ZNF16: variants seen among roughly 807,000 people sequenced by gnomAD.
The protein encoded by ZNF16 is zinc finger protein KOX9.
ZNF16 carries 7 observed loss-of-function variants against 9.0 expected under a neutral mutation model. The ratio of observed to expected loss-of-function variants is 0.78; its 90% confidence interval spans 0.44 to 1.47. ZNF16 has a LOEUF of 1.47. Ranked by LOEUF, ZNF16 falls within the 40% of genes most tolerant of loss-of-function variation. ZNF16 has a pLI of 0.01. For synonymous variants in ZNF16, 312 were observed against 301.5 expected (o/e 1.03, Z -0.36); for missense variants, 830 against 854.2 (o/e 0.97, Z 0.35).
chr8:144,942,264 C>T (rs1255448711), intron 2 of ZNF16, among the ~76,000 whole-genome samples: 2 of 151,246 alleles, frequency 1.3e-5, no homozygotes, highest in African/African-American at 2.4e-5. Context: ...AGGCATGAGC[C>T]ACCATGCCTG....
At position 144,930,838 on chromosome 8, in the gene ZNF16, A is replaced by G; in HGVS notation, c.1949T>C (p.Ile650Thr). 6.3e-7 allele frequency: 1 copy of G among 1,595,640 alleles called. No homozygotes were observed. The highest frequency in any genetic ancestry group is 1.1e-5 in the South Asian group (1 of 87,424). The change falls in exon 3 of 3, where the codon ATT (isoleucine) becomes ACT (threonine). Residue 650 changes from isoleucine (I) to threonine (T), a missense_variant. Ile to Thr is a moderately conservative substitution (Grantham distance 89). Transcript: ENST00000394909. Reference sequence around the variant, plus strand: ...GTCATAGGGCTTCACCCCAGTGTGAATCCTCTGGTGCTGGATGAGGACCGA... The same window carrying G: ...GTCATAGGGCTTCACCCCAGTGTGAGTCCTCTGGTGCTGGATGAGGACCGA... ...QRSVLIQHQR[I>T]HTGVKPYDCA...
intron 2 of ZNF16, among the ~76,000 whole-genome samples, chr8:144,936,205 C>T (rs1011303849): frequency 2.6e-5 from 4 of 152,208 alleles, no homozygotes. Flanking sequence ...TGGCTTCTTT[C>T]ACTCGGCACA....
At position 144,931,770 on chromosome 8, in the gene ZNF16, A is replaced by C. The variant is rs1376634215; in HGVS notation, c.1017T>G (p.His339Gln). The C allele has an allele frequency of 2.5e-6, 4 of 1,613,804 alleles. No homozygotes were observed. The highest frequency in any genetic ancestry group is 3.4e-6 in the Non-Finnish European group (4 of 1,179,994). ...AFRRSSNLIQHQRIHSGEKPY... is the reference protein window; with the variant it reads ...AFRRSSNLIQQQRIHSGEKPY... ...GTTTCTCCCCAGAATGGATTCTTTGATGTTGGATGAGGTTTGAGCTCCGCC... is the reference window on the plus strand; with the variant it reads ...GTTTCTCCCCAGAATGGATTCTTTGCTGTTGGATGAGGTTTGAGCTCCGCC... The change falls in exon 3 of 3, where the codon CAT (histidine) becomes CAG (glutamine). Residue 339 changes from histidine (H) to glutamine (Q), a missense_variant. Physicochemically the swap from His to Gln is conservative, Grantham distance 24. Transcript: ENST00000394909.
intron 1 of ZNF16, among the ~76,000 whole-genome samples, chr8:144,946,607 TG>T (rs1833944548): frequency 1.3e-5 from 1 of 79,974 alleles, no homozygotes; most frequent in African/African-American, 4.7e-5. Flanking sequence ...ATCCTGCTGT[TG>T]GGCTTGTGTC....
intron 1 of ZNF16, among the ~76,000 whole-genome samples, chr8:144,947,273 A>G (rs867581496): frequency 0.031 from 112 of 3,660 alleles, no homozygotes; most frequent in Non-Finnish European, 0.045. Context: ...TGGGGCCTGT[A>G]CCCTGCTGTG....
At chr8:144,939,100 C>T (rs553771544) in intron 2 of ZNF16, among the ~76,000 whole-genome samples, 2 of 152,210 alleles carry the variant, frequency 1.3e-5, no homozygotes, top group Admixed American at 6.5e-5. Flanking sequence ...TGGTCATATG[C>T]TATTGGATTC....
Position 144,932,436 on chromosome 8 carries a change from G to A in ZNF16, c.351C>T (p.Asp117=), listed in dbSNP as rs560521884. The change falls in exon 3 of 3, where the codon GAC becomes GAT. Residue 117 remains aspartate, a synonymous_variant. Transcript: ENST00000394909. The surrounding 1 kb of genome is among the most constrained non-coding windows in gnomAD (Gnocchi z 5.0). The part of the protein sequence containing the change: ...GDLCDDVSER[D]WGVPEGRRLP... ...GCCTCCTGCCTTCGGGGACTCCCCA[G>A]TCTCTTTCTGATACATCATCACACA... 135 of 1,614,184 alleles carry A rather than the reference G, an allele frequency of 8.4e-5. No individual in the cohort carries two copies. The South Asian group carries it at 1.4e-3, about 17-fold the overall frequency.
chr8:144,937,179 C>T (rs1186932743), intron 2 of ZNF16, among the ~76,000 whole-genome samples: 3 of 121,072 alleles, frequency 2.5e-5, no homozygotes, highest in Non-Finnish European at 3.2e-5. Flanking sequence ...CAGAGTCTTG[C>T]TCTGTCATCC....
chr8:144,947,344 G>A (rs1378599181), intron 1 of ZNF16, among the ~76,000 whole-genome samples: 1 of 142,230 alleles, frequency 7.0e-6, no homozygotes, highest in Non-Finnish European at 1.5e-5. Flanking sequence ...CTGTGGGCCT[G>A]TGTCCTGTTG....
At chr8:144,949,392 G>A (rs1834037089) in intron 1 of ZNF16, among the ~76,000 whole-genome samples, 1 of 152,208 alleles carries the variant, frequency 6.6e-6, no homozygotes, top group Non-Finnish European at 1.5e-5. Context: ...CAGGAACCAC[G>A]AACCCACCCT....
chr8:144,939,595 CAAAAAAAA>C (rs58274217), intron 2 of ZNF16, among the ~76,000 whole-genome samples: 4,190 of 57,344 alleles, frequency 0.073, 136 homozygotes, highest in African/African-American at 0.18. Flanking sequence ...GACTCCGTCT[CAAAAAAAA>C]AAAAAAAAAA....
intron 2 of ZNF16, among the ~76,000 whole-genome samples, chr8:144,939,103 T>C (rs187209953): frequency 3.9e-4 from 59 of 152,332 alleles, no homozygotes; most frequent in African/African-American, 1.3e-3. Flanking sequence ...TCATATGCTA[T>C]TGGATTCAGT....
intron 2 of ZNF16, among the ~76,000 whole-genome samples, chr8:144,935,284 C>T (rs917030890): frequency 3.3e-5 from 5 of 152,214 alleles, no homozygotes; most frequent in African/African-American, 1.2e-4. Context: ...CTCACCACAA[C>T]CTCTGCCTCC....
At chr8:144,942,508 G>A (rs568995453) in intron 2 of ZNF16, among the ~76,000 whole-genome samples, 19 of 150,414 alleles carry the variant, frequency 1.3e-4, no homozygotes, top group Admixed American at 3.3e-4. Context: ...GGCTGGTCTC[G>A]AACTCCTGAC....
intron 1 of ZNF16, among the ~76,000 whole-genome samples, chr8:144,947,436 T>G (rs1476727824): frequency 6.6e-6 from 1 of 151,996 alleles, no homozygotes; most frequent in African/African-American, 2.4e-5. Context: ...TCCTTGTTGC[T>G]GACATTCACA....
Position 144,931,939 on chromosome 8 carries a change from T to G in ZNF16, c.848A>C (p.His283Pro). 1 of 1,613,568 alleles carries G rather than the reference T, an allele frequency of 6.2e-7. No individual in the cohort carries two copies. The highest frequency in any genetic ancestry group is 8.5e-7 in the Non-Finnish European group (1 of 1,179,536). The change falls in exon 3 of 3, where the codon CAT (histidine) becomes CCT (proline). Residue 283 changes from histidine to proline, a missense_variant. By Grantham distance (77) the His-to-Pro change is moderately conservative. Coordinates refer to ENST00000394909, the MANE Select transcript of ZNF16 (RefSeq NM_006958.3). ...AFRGHSDFSR[H>P]QSHHSSERPY... ...CCTCTCACTGCTGTGGTGACTCTGATGCCTAGAAAAGTCTGAGTGCCCTCG... is the reference window on the plus strand; with the variant it reads ...CCTCTCACTGCTGTGGTGACTCTGAGGCCTAGAAAAGTCTGAGTGCCCTCG...
rs1176455320 is a variant in ZNF16 at position 144,946,591 on chromosome 8, GTCTGTATCCT to G, written c.-9-386_-9-377del. On this transcript the variant is annotated intron_variant, in intron 1 of 2. Coordinates refer to ENST00000394909, the MANE Select transcript of ZNF16 (RefSeq NM_006958.3). ...GCTGTGGGCCTGTGTCCTGCTGTGG[GTCTGTATCCT>G]GCTGTTGGGCTTGTGTCCTGCTGTT... Among the ~76,000 whole-genome samples the G allele has an allele frequency of 1.3e-3, 173 of 134,812 alleles. 32 individuals are homozygous for G. The highest frequency in any genetic ancestry group is 1.6e-3 in the Non-Finnish European group (99 of 62,150). The allele number at this position is 134,812 out of a possible 152,430, so 88.4% of individuals were successfully genotyped here.
intron 2 of ZNF16, 24 bp downstream of exon 2, chr8:144,945,987 A>C (rs777319543): frequency 1.2e-6 from 2 of 1,611,754 alleles, no homozygotes; most frequent in Non-Finnish European, 1.7e-6. Flanking sequence ...TAAGGGCACC[A>C]GCGGAGAACT....
intron 2 of ZNF16, among the ~76,000 whole-genome samples, chr8:144,940,557 G>C (rs1280166170): frequency 6.6e-6 from 1 of 152,218 alleles, no homozygotes; most frequent in Non-Finnish European, 1.5e-5. Flanking sequence ...TTGCTGGTCA[G>C]AGAAGATACT....
Sources: allele counts gnomAD v4.1 joint callset (sites outside exome capture counted in the v4.1 genomes callset), GRCh38; gene constraint gnomAD v4.1.1; non-coding constraint Gnocchi (gnomAD v3.1); transcripts MANE v1.5; gene names NCBI Gene and HGNC (gene_info 2026-07-23, HGNC 2026-07-21).